DNM3: variants seen among roughly 807,000 people sequenced by gnomAD.
DNM3 encodes the protein dynamin 3.
A neutral mutation model predicts 101.6 loss-of-function variants in DNM3; 47 were observed. The ratio of observed to expected loss-of-function variants is 0.46; its 90% CI spans 0.37 to 0.59. The LOEUF (loss-of-function observed/expected upper bound fraction) is 0.59, where lower values mean the gene tolerates loss of function less well. Ranked by LOEUF, DNM3 falls within the 20% of genes least tolerant of loss-of-function variation. The probability of loss-of-function intolerance (pLI) is 0.00; values close to 1 mark genes in which losing one functional copy is unlikely to be tolerated. For missense variants in DNM3, 849 were observed against 1,085.7 expected (o/e 0.78, Z 3.06); for synonymous variants, 385 against 387.9 (o/e 0.99, Z 0.09).
At chr1:172,193,596 T>C (rs2059824633) in intron 14 of DNM3, among the ~76,000 whole-genome samples, 1 of 152,180 alleles carries the variant, frequency 6.6e-6, no homozygotes, top group Admixed American at 6.6e-5. Flanking sequence ...TGGGAGGGTG[T>C]ATGTGTCGAG....
chr1:171,903,118 A>G (rs1438356153), intron 1 of DNM3, among the ~76,000 whole-genome samples: 3 of 152,014 alleles, frequency 2.0e-5, no homozygotes, highest in Non-Finnish European at 4.4e-5. Context: ...TCGTGCCACT[A>G]TACTTAAGCC....
intron 16 of DNM3, among the ~76,000 whole-genome samples, chr1:172,311,495 C>T (rs570192603): frequency 6.6e-6 from 1 of 152,290 alleles, no homozygotes; most frequent in Admixed American, 6.5e-5. Flanking sequence ...GTGATCCCAG[C>T]TACAAGGGAT....
chr1:172,123,668 C>T (rs1359629227), intron 13 of DNM3, among the ~76,000 whole-genome samples: 1 of 152,188 alleles, frequency 6.6e-6, no homozygotes, highest in East Asian at 1.9e-4. Context: ...CCCAGGACTA[C>T]ACTTCCCTTT....
chr1:171,903,439 C>A (rs2038552662), intron 1 of DNM3, among the ~76,000 whole-genome samples: 1 of 152,072 alleles, frequency 6.6e-6, no homozygotes, highest in Non-Finnish European at 1.5e-5. Context: ...AACAGTAATA[C>A]CACCTTACTT....
chr1:172,374,842 TGA>T (rs2068520156), intron 17 of DNM3, among the ~76,000 whole-genome samples: 1 of 152,130 alleles, frequency 6.6e-6, no homozygotes, highest in Admixed American at 6.6e-5. Flanking sequence ...ACAATATCTG[TGA>T]TTTTTGTTTC....
At chr1:172,056,293 C>T (rs2125890842) in intron 10 of DNM3, among the ~76,000 whole-genome samples, 1 of 152,312 alleles carries the variant, frequency 6.6e-6, no homozygotes, top group Non-Finnish European at 1.5e-5. Flanking sequence ...CCCAGGCTTG[C>T]TTAGGTAAAC....
intron 17 of DNM3, among the ~76,000 whole-genome samples, chr1:172,374,595 C>T (rs567647776): frequency 1.3e-5 from 2 of 152,088 alleles, no homozygotes; most frequent in South Asian, 4.1e-4. Context: ...ATTGTATTTA[C>T]ATTGAACTTT....
At chr1:172,417,347 T>C (rs2071465459), downstream of DNM3, among the ~76,000 whole-genome samples, 1 of 152,238 alleles carries the variant, frequency 6.6e-6, no homozygotes, top group Non-Finnish European at 1.5e-5. Context: ...CTTACAAAGC[T>C]GTTCATTGCA....
intron 15 of DNM3, among the ~76,000 whole-genome samples, chr1:172,286,059 G>A (rs759921059): frequency 8.1e-4 from 97 of 119,142 alleles, no homozygotes; most frequent in Middle Eastern, 4.5e-3. Flanking sequence ...AACTTTTAAA[G>A]TGAGTTATTT....
intron 15 of DNM3, among the ~76,000 whole-genome samples, chr1:172,254,660 T>C (rs956481795): frequency 6.6e-6 from 1 of 152,154 alleles, no homozygotes; most frequent in Non-Finnish European, 1.5e-5. Flanking sequence ...TTCCATTGTG[T>C]GCTTATTTTG....
chr1:172,316,371 C>G (rs1033505196), intron 16 of DNM3, among the ~76,000 whole-genome samples: 4 of 151,700 alleles, frequency 2.6e-5, no homozygotes, highest in Non-Finnish European at 4.4e-5. Flanking sequence ...TTGACAGGAT[C>G]AAATTCACAC....
At chr1:171,909,864 T>G (rs1472149632) in intron 1 of DNM3, among the ~76,000 whole-genome samples, 1 of 152,196 alleles carries the variant, frequency 6.6e-6, no homozygotes, top group Non-Finnish European at 1.5e-5. Context: ...GGAACGGAGA[T>G]CTTTTCTTCT....
At chr1:172,260,710 A>G (rs1268228043) in intron 15 of DNM3, among the ~76,000 whole-genome samples, 2 of 152,062 alleles carry the variant, frequency 1.3e-5, no homozygotes, top group Non-Finnish European at 2.9e-5. Flanking sequence ...TCTCATTCAT[A>G]TCCTGAATTG....
At chr1:172,402,659 C>A (rs1348371520) in intron 20 of DNM3, among the ~76,000 whole-genome samples, 1 of 152,116 alleles carries the variant, frequency 6.6e-6, no homozygotes, top group African/African-American at 2.4e-5. Flanking sequence ...TTTTCATAAG[C>A]AAATACAAGC....
intron 17 of DNM3, among the ~76,000 whole-genome samples, chr1:172,361,947 T>C (rs2067764270): frequency 2.0e-5 from 3 of 151,960 alleles, no homozygotes; most frequent in African/African-American, 7.2e-5. Flanking sequence ...TTCACTCACC[T>C]CTTTGTTGAC....
At chr1:172,119,509 T>C (rs1014438241) in intron 13 of DNM3, among the ~76,000 whole-genome samples, 2 of 152,120 alleles carry the variant, frequency 1.3e-5, no homozygotes, top group Non-Finnish European at 2.9e-5. Flanking sequence ...CTCGGTTTCC[T>C]TCATGGGTCC....
chr1:172,407,848 TG>T lies in DNM3; in HGVS notation c.*8del. On this transcript the variant is annotated 3_prime_UTR_variant, in exon 21 of 21. Transcript: ENST00000627582. ...ATCCTCCCTGTTAGACTAAACGAAG[TG>T]TCTGGCATGGCAATTAATCACTAAT... The T allele has an allele frequency of 6.2e-7, 1 of 1,613,062 alleles. No homozygotes were observed. Among genetic ancestry groups the T allele is most frequent in the Non-Finnish European group, 8.5e-7 (1 of 1,179,184 alleles).
intron 1 of DNM3, among the ~76,000 whole-genome samples, chr1:171,894,737 C>T (rs1488201854): frequency 6.6e-6 from 1 of 152,184 alleles, no homozygotes; most frequent in African/African-American, 2.4e-5. Context: ...CCTCTCCCAG[C>T]CCCCGACTCC....
At chr1:172,285,881 A>G (rs2063678228) in intron 15 of DNM3, among the ~76,000 whole-genome samples, 1 of 152,104 alleles carries the variant, frequency 6.6e-6, no homozygotes, top group Non-Finnish European at 1.5e-5. Context: ...CCAGGCTCTT[A>G]GAGCTCGCAT....
Sources: allele counts gnomAD v4.1 joint callset (sites outside exome capture counted in the v4.1 genomes callset), GRCh38; gene constraint gnomAD v4.1.1; transcripts MANE v1.5; gene names NCBI Gene and HGNC (gene_info 2026-07-23, HGNC 2026-07-21).